The following KDM4B variants were observed in gnomAD, a reference collection of about 807,000 sequenced individuals.
KDM4B encodes the protein lysine demethylase 4B.
KDM4B carries 32 observed loss-of-function variants against 125.2 expected under a neutral mutation model. The observed-to-expected ratio is 0.26, with a 90% CI of 0.19 to 0.34. The LOEUF is 0.34. KDM4B is among the 10% of genes least tolerant of loss of function. The pLI, the probability that KDM4B is intolerant of heterozygous loss-of-function variation, is 1.00. For synonymous variants in KDM4B, 721 were observed against 677.9 expected (o/e 1.06, Z -0.99); for missense variants, 1,190 against 1,577.7 (o/e 0.75, Z 4.16).
chr19:5,059,182 C>T lies in KDM4B; in HGVS notation c.626+11513C>T, dbSNP rs560214933. On this transcript the variant is annotated intron_variant, in intron 6 of 22. Transcript: ENST00000159111. ...CTCCCTTCGGCGAGGCTGCTGCCGG[C>T]GGGGTTCAGCTCCCCAGAAGGGAGA... is the stretch of plus-strand genomic sequence containing the variant. Among the ~76,000 whole-genome samples the T allele has an allele frequency of 8.5e-5, 13 of 152,286 alleles. No homozygotes were observed. The South Asian group carries it at 2.1e-3, about 24-fold the overall frequency.
chr19:5,031,741 C>T (rs1254568859), intron 2 of KDM4B, among the ~76,000 whole-genome samples: 1 of 152,190 alleles, frequency 6.6e-6, no homozygotes, highest in African/African-American at 2.4e-5. Flanking sequence ...TAGCTGGGGC[C>T]TCCCTGCCGT....
chr19:5,109,536 TC>T (rs1188849439), intron 9 of KDM4B, among the ~76,000 whole-genome samples: 3 of 152,016 alleles, frequency 2.0e-5, no homozygotes, highest in Admixed American at 6.5e-5. Flanking sequence ...CTTCAACTCA[TC>T]CTTGCCACTC....
intron 4 of KDM4B, among the ~76,000 whole-genome samples, chr19:5,040,457 C>T (rs1002539551): frequency 2.0e-5 from 3 of 151,988 alleles, no homozygotes; most frequent in Non-Finnish European, 2.9e-5. Context: ...CAGGCACACA[C>T]GGGTACACAT....
At chr19:5,122,631 T>C (rs1449292280) in intron 11 of KDM4B, among the ~76,000 whole-genome samples, 1 of 152,174 alleles carries the variant, frequency 6.6e-6, no homozygotes, top group East Asian at 1.9e-4. Context: ...AGGATGAACC[T>C]TTAAGAAAGT....
intron 11 of KDM4B, among the ~76,000 whole-genome samples, chr19:5,120,912 C>T (rs1230780747): frequency 1.3e-5 from 2 of 152,174 alleles, no homozygotes; most frequent in Non-Finnish European, 2.9e-5. Context: ...GGGTCCTAGT[C>T]CTCAGTTTCC....
intron 1 of KDM4B, among the ~76,000 whole-genome samples, chr19:4,986,432 AG>A (rs2034834069): frequency 6.6e-6 from 1 of 152,164 alleles, no homozygotes; most frequent in Admixed American, 6.5e-5. Flanking sequence ...TAGAAGCTTC[AG>A]GGGTGCTCTT....
At chr19:5,011,783 G>A (rs957449719) in intron 1 of KDM4B, among the ~76,000 whole-genome samples, 6 of 152,236 alleles carry the variant, frequency 3.9e-5, no homozygotes, top group African/African-American at 1.4e-4. Context: ...TGGGGGCTCC[G>A]GTGACTGGCA....
In KDM4B at chr19:5,032,736, G is replaced by A. The variant is rs529221859; in HGVS notation, c.-25-130G>A. On this transcript the variant is annotated intron_variant, in intron 2 of 22. Coordinates refer to ENST00000159111, the MANE Select transcript of KDM4B (RefSeq NM_015015.3). ...TTCTCTTCTGCCCTCACTCAGCCGC[G>A]AGGGCCCAGCCGCCTTTGTCCTCCT... is the stretch of plus-strand genomic sequence containing the variant. The A allele has an allele frequency of 2.8e-4, 222 of 792,424 alleles. 3 individuals carry two copies. The Admixed American group carries it at 4.9e-3, about 18-fold the overall frequency. 49.1% of individuals were successfully genotyped at this position (792,424 alleles called of 1,614,324 possible).
rs866282931 is a variant in KDM4B at position 5,068,249 on chromosome 19, G to T, written c.627-2761G>T. ...AGACGCCCCTCTGGGAGGCCCGAAG[G>T]CTCCCTGAGTCTCTTGTCCTGTGGT... is the stretch of plus-strand genomic sequence containing the variant. On this transcript the variant is annotated intron_variant, in intron 6 of 22. Coordinates refer to ENST00000159111, the MANE Select transcript of KDM4B (RefSeq NM_015015.3). Among the ~76,000 whole-genome samples the T allele has an allele frequency of 2.5e-4, 38 of 152,292 alleles. 2 individuals carry two copies. Among genetic ancestry groups the T allele is most frequent in the Middle Eastern group, 3.4e-3 (1 of 294 alleles).
At chr19:4,986,064 C>T (rs886405205) in intron 1 of KDM4B, among the ~76,000 whole-genome samples, 12 of 152,200 alleles carry the variant, frequency 7.9e-5, no homozygotes, top group African/African-American at 2.4e-4. Flanking sequence ...CTCCCCAGCC[C>T]GGCTTGGATT....
At chr19:5,143,908 G>A (rs551147046) in intron 18 of KDM4B, 59 bp from the exon 19 acceptor site, 65 of 1,394,308 alleles carry the variant, frequency 4.7e-5, no homozygotes, top group African/African-American at 2.4e-4. Context: ...CGGGGACTCC[G>A]TTCCAGGGTC....
chr19:5,095,347 G>T (rs1220700461), intron 9 of KDM4B, among the ~76,000 whole-genome samples: 1 of 152,236 alleles, frequency 6.6e-6, no homozygotes, highest in Non-Finnish European at 1.5e-5. Context: ...TAGGCCGGTG[G>T]CTGTGTCTTC....
At chr19:4,973,594 G>A (rs989789218) in intron 1 of KDM4B, among the ~76,000 whole-genome samples, 23 of 152,116 alleles carry the variant, frequency 1.5e-4, no homozygotes, top group African/African-American at 4.8e-4. Context: ...GTGGATTGAC[G>A]AATTGATGTT....
intron 6 of KDM4B, among the ~76,000 whole-genome samples, chr19:5,061,249 C>A (rs535835489): frequency 6.6e-6 from 1 of 152,360 alleles, no homozygotes; most frequent in Non-Finnish European, 1.5e-5. Flanking sequence ...CCATCCCAGG[C>A]TCCCCATCTT....
intron 9 of KDM4B, among the ~76,000 whole-genome samples, chr19:5,097,008 G>A (rs1041454861): frequency 1.3e-5 from 2 of 152,224 alleles, no homozygotes; most frequent in South Asian, 2.1e-4. Context: ...TAAAGAGCAC[G>A]GGCTGGCAGC....
intron 11 of KDM4B, among the ~76,000 whole-genome samples, chr19:5,127,394 T>A (rs1263780475): frequency 1.3e-5 from 2 of 152,180 alleles, no homozygotes; most frequent in African/African-American, 4.8e-5. Flanking sequence ...CATCTCCCTC[T>A]AACAGGGTCC....
At chr19:5,007,163 G>A (rs2145466572) in intron 1 of KDM4B, among the ~76,000 whole-genome samples, 1 of 152,340 alleles carries the variant, frequency 6.6e-6, no homozygotes, top group Admixed American at 6.5e-5. Flanking sequence ...TGAGAGTTGG[G>A]GAACGTAGCA....
At chr19:5,000,234 T>TATCCATCCACCCACCC (rs1260543761) in intron 1 of KDM4B, among the ~76,000 whole-genome samples, 13 of 59,192 alleles carry the variant, frequency 2.2e-4, no homozygotes, top group African/African-American at 7.5e-4. Flanking sequence ...TCCACCCACC[T>TATCCATCCACCCACCC]ATCCATCCAC....
At chr19:5,060,159 G>T (rs2037539300) in intron 6 of KDM4B, among the ~76,000 whole-genome samples, 1 of 152,186 alleles carries the variant, frequency 6.6e-6, no homozygotes, top group African/African-American at 2.4e-5. Flanking sequence ...GGAGCCATGG[G>T]CCGGGCATGG....
Sources: allele counts gnomAD v4.1 joint callset (sites outside exome capture counted in the v4.1 genomes callset), GRCh38; gene constraint gnomAD v4.1.1; transcripts MANE v1.5; gene names NCBI Gene and HGNC (gene_info 2026-07-23, HGNC 2026-07-21).